FCHO2: variants seen among roughly 807,000 people sequenced by gnomAD.
The protein encoded by FCHO2 is F-BAR domain only protein 2.
In FCHO2, 43 loss-of-function variants were observed where a neutral mutation model predicts 114.1. That is an observed-to-expected ratio of 0.38 (90% CI 0.30 to 0.49). FCHO2 has a LOEUF of 0.49. FCHO2 is among the 20% of genes least tolerant of loss of function. The pLI is 0.97. For missense variants in FCHO2, 807 were observed against 950.4 expected (o/e 0.85, Z 1.98); for synonymous variants, 293 against 315.2 (o/e 0.93, Z 0.75).
At chr5:72,966,453 T>TA (rs1001502811) in intron 1 of FCHO2, among the ~76,000 whole-genome samples, 11 of 152,198 alleles carry the variant, frequency 7.2e-5, no homozygotes, top group African/African-American at 2.4e-4. Context: ...AATAAATTTT[T>TA]AAAAAAATCT....
intron 1 of FCHO2, among the ~76,000 whole-genome samples, chr5:72,961,426 A>T (rs958388830): frequency 1.3e-5 from 2 of 152,202 alleles, no homozygotes; most frequent in African/African-American, 4.8e-5. Flanking sequence ...ATATGATCCC[A>T]TCAGATGACA....
At chr5:73,057,219 C>T (rs1474850868) in intron 16 of FCHO2, among the ~76,000 whole-genome samples, 2 of 151,986 alleles carry the variant, frequency 1.3e-5, no homozygotes, top group Non-Finnish European at 1.5e-5. Flanking sequence ...AGCCATCAAG[C>T]CTGGCCAGAG....
chr5:73,075,602 G>GT (rs1742874592), intron 20 of FCHO2, among the ~76,000 whole-genome samples: 2 of 152,130 alleles, frequency 1.3e-5, no homozygotes, highest in South Asian at 4.1e-4. Context: ...AATTACATGT[G>GT]TTTTCAGAGG....
chr5:73,064,274 G>C (rs1011876010), intron 18 of FCHO2, among the ~76,000 whole-genome samples: 2 of 152,024 alleles, frequency 1.3e-5, no homozygotes, highest in African/African-American at 4.8e-5. Context: ...AATAAATGGT[G>C]GCTTGTTCTT....
chr5:73,002,430 G>A (rs918050297), intron 5 of FCHO2, among the ~76,000 whole-genome samples: 3 of 152,054 alleles, frequency 2.0e-5, no homozygotes, highest in African/African-American at 7.2e-5. Context: ...CCTCCATGTA[G>A]TCATCCTTTA....
intron 8 of FCHO2, chr5:73,021,381 C>A: frequency 6.2e-6 from 2 of 324,056 alleles, no homozygotes; most frequent in Non-Finnish European, 1.2e-5. Flanking sequence ...AGGGAGAGGG[C>A]AGTCTTAACT....
At position 73,090,102 on chromosome 5, in the gene FCHO2, G is replaced by C. The variant is rs550088416; in HGVS notation, c.*2012G>C. 1 of 152,548 alleles carries C rather than the reference G, an allele frequency of 6.6e-6. No individual in the cohort carries two copies. Among genetic ancestry groups the C allele is most frequent in the Non-Finnish European group, 1.5e-5 (1 of 67,988 alleles). The allele number at this position is 152,548 out of a possible 1,614,324, so 9.4% of individuals were successfully genotyped here. A position where few individuals can be genotyped will look rare whatever the true frequency, so the allele number is the denominator to read the frequency against. Reference sequence around the variant, plus strand: ...TTTTAATCAAATATTACCTAAAAATGTACAAATTAGTGAAATGGTTAAACT... The same window carrying C: ...TTTTAATCAAATATTACCTAAAAATCTACAAATTAGTGAAATGGTTAAACT... On this transcript the variant is annotated 3_prime_UTR_variant, in exon 26 of 26. Coordinates refer to ENST00000430046, the MANE Select transcript of FCHO2 (RefSeq NM_138782.3).
At chr5:73,015,960 GTTTTC>G (rs1755285513) in intron 7 of FCHO2, among the ~76,000 whole-genome samples, 1 of 151,794 alleles carries the variant, frequency 6.6e-6, no homozygotes, top group Non-Finnish European at 1.5e-5. Flanking sequence ...ACTATATTCA[GTTTTC>G]TTTATATTGA....
intron 5 of FCHO2, chr5:72,997,434 TC>T: frequency 1.3e-6 from 2 of 1,599,954 alleles, no homozygotes; most frequent in East Asian, 2.2e-5. Context: ...CTCTCTTTGG[TC>T]CACAGTGACC....
At chr5:72,959,450 G>A (rs980479594) in intron 1 of FCHO2, among the ~76,000 whole-genome samples, 6 of 152,098 alleles carry the variant, frequency 3.9e-5, no homozygotes, top group African/African-American at 1.4e-4. Flanking sequence ...CAAGGTTGCA[G>A]TAGGTTATGA....
At chr5:73,070,193 A>C (rs1237397147) in intron 19 of FCHO2, among the ~76,000 whole-genome samples, 1 of 152,100 alleles carries the variant, frequency 6.6e-6, no homozygotes, top group South Asian at 2.1e-4. Flanking sequence ...AGCCCTAATT[A>C]AGCTGATTTA....
chr5:73,049,083 A>G (rs913720364), intron 11 of FCHO2, among the ~76,000 whole-genome samples: 2 of 151,302 alleles, frequency 1.3e-5, no homozygotes, highest in African/African-American at 4.9e-5. Context: ...TCACCGTGTT[A>G]GCCAGGATGG....
At chr5:73,006,067 C>T (rs1754698621) in intron 5 of FCHO2, among the ~76,000 whole-genome samples, 1 of 152,024 alleles carries the variant, frequency 6.6e-6, no homozygotes, top group Non-Finnish European at 1.5e-5. Context: ...CAAGCACGTT[C>T]TGGTGGTATT....
At chr5:73,040,123 T>G (rs1268020163) in intron 10 of FCHO2, among the ~76,000 whole-genome samples, 2 of 152,194 alleles carry the variant, frequency 1.3e-5, no homozygotes, top group African/African-American at 4.8e-5. Flanking sequence ...TTCTGGTGTT[T>G]GCTTAGTATT....
intron 2 of FCHO2, among the ~76,000 whole-genome samples, chr5:72,978,058 G>C (rs1332946403): frequency 6.6e-6 from 1 of 152,106 alleles, no homozygotes; most frequent in African/African-American, 2.4e-5. Flanking sequence ...CTCCAGCTTT[G>C]TTCTTTTTGC....
At chr5:73,056,373 C>T (rs1395289498) in intron 16 of FCHO2, among the ~76,000 whole-genome samples, 1 of 152,154 alleles carries the variant, frequency 6.6e-6, no homozygotes, top group African/African-American at 2.4e-5. Flanking sequence ...TGTGTAAGGA[C>T]ATGTATTCGT....
At chr5:73,052,591 A>T in intron 13 of FCHO2, 84 bp downstream of exon 13, 1 of 1,047,864 alleles carries the variant, frequency 9.5e-7, no homozygotes, top group Non-Finnish European at 1.4e-6. Context: ...TTACTTAGCA[A>T]TTGTTAAGCA....
intron 8 of FCHO2, among the ~76,000 whole-genome samples, chr5:73,020,536 G>A (rs952140216): frequency 6.6e-6 from 1 of 152,172 alleles, no homozygotes; most frequent in African/African-American, 2.4e-5. Context: ...TGCATCAAAG[G>A]CAGGTTTGTG....
chr5:72,989,662 A>C (rs1753720517), intron 3 of FCHO2, among the ~76,000 whole-genome samples, 161 bp downstream of exon 3: 1 of 152,334 alleles, frequency 6.6e-6, no homozygotes, highest in East Asian at 1.9e-4. Flanking sequence ...TAGAAAATAT[A>C]ATTGAACTTG....
Sources: gnomAD v4.1 joint callset for allele counts (sites outside exome capture counted in the v4.1 genomes callset) on GRCh38, gnomAD v4.1.1 for gene constraint, MANE v1.5 for transcripts, NCBI Gene and HGNC (gene_info 2026-07-23, HGNC 2026-07-21) for gene names.